Variants in KAZN observed in about 807,000 individuals in gnomAD.
KAZN encodes the protein kazrin, periplakin interacting protein.
A neutral mutation model predicts 87.4 loss-of-function variants in KAZN; 40 were observed. The ratio of observed to expected loss-of-function variants is 0.46; its 90% confidence interval spans 0.36 to 0.60. The LOEUF (loss-of-function observed/expected upper bound fraction) is 0.60. KAZN is among the 20% of genes least tolerant of loss of function. KAZN has a pLI of 0.00. For missense variants in KAZN, 898 were observed against 1,073.9 expected (o/e 0.84, Z 2.29); for synonymous variants, 466 against 458.3 (o/e 1.02, Z -0.22).
At chr1:13,959,787 C>G (rs1338498305) in intron 1 of KAZN, among the ~76,000 whole-genome samples, 1 of 152,164 alleles carries the variant, frequency 6.6e-6, no homozygotes, top group Non-Finnish European at 1.5e-5. Flanking sequence ...CAGCCTTTCT[C>G]ATTAGATTGT....
At chr1:14,980,878 G>A (rs927118754) in intron 2 of KAZN, among the ~76,000 whole-genome samples, 3 of 152,052 alleles carry the variant, frequency 2.0e-5, no homozygotes, top group Non-Finnish European at 2.9e-5. Context: ...GGAGGGGGAG[G>A]TGGGGTGGCT....
intron 1 of KAZN, among the ~76,000 whole-genome samples, chr1:13,987,108 CA>C (rs955378517): frequency 2.0e-5 from 3 of 152,132 alleles, no homozygotes; most frequent in African/African-American, 7.2e-5. Context: ...GGGTGCTCAG[CA>C]GGCAGAATTT....
At position 14,704,905 on chromosome 1, in the gene KAZN, C is replaced by T. The variant is rs140632758; in HGVS notation, c.226+105682C>T. Among the ~76,000 whole-genome samples the T allele has an allele frequency of 2.6e-3, 399 of 152,326 alleles. 1 individual carries two copies. The highest frequency in any genetic ancestry group is 0.014 in the South Asian group (67 of 4,830). ...AGAGCTTTCTGCAAGGCAGCCTTCT[C>T]TGTATAACCCTTTCCTTGGTTTTCC... On this transcript the variant is annotated intron_variant, in intron 1 of 14. Transcript: ENST00000376030.
chr1:15,090,713 T>C (rs988293283), intron 8 of KAZN, among the ~76,000 whole-genome samples: 3 of 152,226 alleles, frequency 2.0e-5, no homozygotes, highest in South Asian at 2.1e-4. Context: ...GGAAACGTGA[T>C]AATGTTGGCA....
At chr1:14,389,157 T>G (rs1022120770) in intron 2 of KAZN, among the ~76,000 whole-genome samples, 1 of 152,188 alleles carries the variant, frequency 6.6e-6, no homozygotes, top group East Asian at 1.9e-4. Context: ...TGAGGTATCA[T>G]CTCACCTCTG....
At chr1:14,152,903 T>C (rs901223560) in intron 1 of KAZN, among the ~76,000 whole-genome samples, 1 of 152,226 alleles carries the variant, frequency 6.6e-6, no homozygotes, top group African/African-American at 2.4e-5. Context: ...TGAGATGATA[T>C]CTCATTGTAG....
rs115255073 is a variant in KAZN at position 14,175,393 on chromosome 1, G to A, written c.92-5042G>A. Among the ~76,000 whole-genome samples, 993 of 152,322 alleles carry A rather than the reference G, an allele frequency of 6.5e-3. 11 individuals carry two copies. Among genetic ancestry groups the A allele is most frequent in the African/African-American group, 0.023 (956 of 41,586 alleles). Reference sequence around the variant, plus strand: ...GCTGGGATTTCAGGCGTGAGCCACCGCGCCGGGCCCACGGATGGATTCTTA... The same window carrying A: ...GCTGGGATTTCAGGCGTGAGCCACCACGCCGGGCCCACGGATGGATTCTTA... On this transcript the variant is annotated intron_variant, in intron 1 of 16. Coordinates refer to the KAZN transcript ENST00000636203.
chr1:14,302,951 G>A (rs541823753), intron 2 of KAZN, among the ~76,000 whole-genome samples: 2 of 152,236 alleles, frequency 1.3e-5, no homozygotes, highest in East Asian at 3.9e-4. Flanking sequence ...GCAGCAAGGT[G>A]GGAACAAGAT....
chr1:15,016,198 C>T (rs962012749), intron 2 of KAZN, among the ~76,000 whole-genome samples: 9 of 152,116 alleles, frequency 5.9e-5, no homozygotes, highest in African/African-American at 1.2e-4. Context: ...GGGACTGTGG[C>T]GAAACTGGAA....
intron 2 of KAZN, among the ~76,000 whole-genome samples, chr1:14,340,162 G>C (rs1395031451): frequency 6.6e-6 from 1 of 152,208 alleles, no homozygotes; most frequent in Admixed American, 6.5e-5. Context: ...CACTGTGTGA[G>C]GGTTGTTTCT....
intron 1 of KAZN, among the ~76,000 whole-genome samples, chr1:14,719,107 A>G (rs1236179273): frequency 2.0e-5 from 3 of 152,188 alleles, no homozygotes; most frequent in Non-Finnish European, 4.4e-5. Context: ...AACTTTGCAC[A>G]TGTACTCTCT....
chr1:15,104,080 C>A lies in KAZN; in HGVS notation c.1939C>A (p.Pro647Thr). Residue 647 changes from proline (P) to threonine (T), a missense_variant, in exon 13 of 15, where the codon CCC becomes ACC. Around this residue, in one of 3 missense-constraint regions of KAZN, gnomAD observed 521 missense variants for 689.4 expected, o/e 0.76. Coordinates refer to ENST00000376030, the MANE Select transcript of KAZN (RefSeq NM_201628.3). ...CCATGGTGCTGTGCTGGTGCTGGAG[C>A]CCACATTCAATGCCGAGGCCATGGC... Reference protein sequence around the residue: ...GVHGAVLVLEPTFNAEAMATA... With the variant: ...GVHGAVLVLETTFNAEAMATA... 1.2e-6 allele frequency: 2 copies of A among 1,613,578 alleles called. No individual in the cohort carries two copies. Among genetic ancestry groups the A allele is most frequent in the Non-Finnish European group, 1.7e-6 (2 of 1,179,770 alleles).
Position 14,171,134 on chromosome 1 carries a change from A to G in KAZN, c.92-9301A>G, listed in dbSNP as rs113211329. ...TGCAGCAGCACTTCATTCCTACTGT[A>G]TAGCTGAATAGTATTCCATTGTATG... On this transcript the variant is annotated intron_variant, in intron 1 of 16. Transcript: ENST00000636203. 1.6e-3 allele frequency among the ~76,000 whole-genome samples: 248 copies of G among 152,314 alleles called. 1 individual carries two copies. The highest frequency in any genetic ancestry group is 6.8e-3 in the Middle Eastern group (2 of 294).
intron 1 of KAZN, among the ~76,000 whole-genome samples, chr1:14,741,815 T>C (rs1047921110): frequency 2.0e-5 from 3 of 152,184 alleles, no homozygotes; most frequent in Admixed American, 2.0e-4. Flanking sequence ...TAAAATTCCA[T>C]TCTGGTGGCA....
intron 1 of KAZN, among the ~76,000 whole-genome samples, chr1:14,163,729 G>C (rs760521798): frequency 7.2e-5 from 11 of 152,160 alleles, no homozygotes; most frequent in Non-Finnish European, 1.0e-4. Flanking sequence ...ACATTCCTGC[G>C]TGGAGGCCCT....
At chr1:13,966,422 T>C (rs1641946728) in intron 1 of KAZN, among the ~76,000 whole-genome samples, 1 of 152,194 alleles carries the variant, frequency 6.6e-6, no homozygotes, top group South Asian at 2.1e-4. Context: ...GTCCTCACAG[T>C]GCTTTCTGGG....
intron 2 of KAZN, among the ~76,000 whole-genome samples, chr1:14,566,510 GAGAGTC>G (rs1027431023): frequency 1.3e-4 from 20 of 152,328 alleles, no homozygotes; most frequent in African/African-American, 4.6e-4. Context: ...ATGCTAACAA[GAGAGTC>G]AGCCTGTCCT....
chr1:15,048,701 CCTTGGTCGT>C (rs1230535108), intron 4 of KAZN, among the ~76,000 whole-genome samples: 12 of 143,684 alleles, frequency 8.4e-5, no homozygotes, highest in African/African-American at 2.0e-4. Context: ...GGTCGTTGAT[CCTTGGTCGT>C]TGGTCCTGGG....
At chr1:14,806,026 A>G (rs1446665273) in intron 1 of KAZN, among the ~76,000 whole-genome samples, 1 of 152,218 alleles carries the variant, frequency 6.6e-6, no homozygotes, top group Non-Finnish European at 1.5e-5. Flanking sequence ...TAGGAGGAAC[A>G]GGCAAAGCAT....
Sources: gnomAD v4.1 joint callset for allele counts (sites outside exome capture counted in the v4.1 genomes callset) on GRCh38, gnomAD v4.1.1 for gene constraint, gnomAD v4.1.1 regional missense constraint, MANE v1.5 for transcripts, NCBI Gene and HGNC (gene_info 2026-07-23, HGNC 2026-07-21) for gene names.